Variants in PCDHGA2 observed in about 807,000 individuals in gnomAD.
The protein encoded by PCDHGA2 is protocadherin gamma subfamily A, 2.
In PCDHGA2, 40 loss-of-function variants were observed where a neutral mutation model predicts 59.2. The ratio of observed to expected loss-of-function variants is 0.68; its 90% CI spans 0.52 to 0.88. PCDHGA2 has a LOEUF of 0.88. Among genes scored for constraint, PCDHGA2 ranks in the 40% least tolerant of loss-of-function variants. PCDHGA2 has a pLI of 0.00. For synonymous variants in PCDHGA2, 560 were observed against 526.0 expected (o/e 1.06, Z -0.89); for missense variants, 1,226 against 1,204.0 (o/e 1.02, Z -0.27).
At position 141,409,103 on chromosome 5, in the gene PCDHGA2, A is replaced by G. The variant is rs750657192; in HGVS notation, c.2424+67708A>G. The G allele has an allele frequency of 6.8e-6, 11 of 1,613,926 alleles. No individual in the cohort carries two copies. Among genetic ancestry groups the G allele is most frequent in the Non-Finnish European group, 9.3e-6 (11 of 1,179,900 alleles). On this transcript the variant is annotated intron_variant, in intron 1 of 3. Coordinates refer to ENST00000394576, the MANE Select transcript of PCDHGA2 (RefSeq NM_018915.4). ...CTCATTGGATGAGAAAACAGGTATG[A>G]TTAAGAATAACCAGTCATTTGATTT...
At chr5:141,445,342 T>C (rs1026595756) in intron 1 of PCDHGA2, among the ~76,000 whole-genome samples, 4 of 152,202 alleles carry the variant, frequency 2.6e-5, no homozygotes, top group African/African-American at 9.6e-5. Flanking sequence ...ACAGTAAACA[T>C]TGGTGTCTGC....
At chr5:141,393,715 T>C in intron 1 of PCDHGA2, 1 of 1,613,746 alleles carries the variant, frequency 6.2e-7, no homozygotes, top group South Asian at 1.1e-5. Flanking sequence ...ACTGGGGAAA[T>C]ATCAATAGCA....
At chr5:141,415,478 GA>G (rs1209443921) in intron 1 of PCDHGA2, 2 of 1,613,964 alleles carry the variant, frequency 1.2e-6, no homozygotes, top group Non-Finnish European at 1.7e-6. Context: ...GCGGACTCGC[GA>G]AAGAGTCACC....
intron 1 of PCDHGA2, chr5:141,403,068 C>G (rs1178674622): frequency 6.2e-7 from 1 of 1,614,064 alleles, no homozygotes; most frequent in Admixed American, 1.7e-5. Context: ...CCTGAAGAGA[C>G]AGAAAAGGGC....
At chr5:141,413,219 G>C in intron 1 of PCDHGA2, 1 of 1,613,506 alleles carries the variant, frequency 6.2e-7, no homozygotes, top group Non-Finnish European at 8.5e-7. Context: ...AAGGATTGCA[G>C]CGGGCTGGTC....
chr5:141,455,314 T>G (rs565911988), intron 1 of PCDHGA2, among the ~76,000 whole-genome samples: 15 of 152,208 alleles, frequency 9.9e-5, no homozygotes, highest in African/African-American at 3.4e-4. Flanking sequence ...ATTAGCAATT[T>G]TGTGTGTGTG....
Position 141,454,782 on chromosome 5 carries a change from C to A in PCDHGA2, c.2425-40025C>A, listed in dbSNP as rs116242508. On this transcript the variant is annotated intron_variant, in intron 1 of 3. Transcript: ENST00000394576. ...GACATGTTTTTTACAAGGAAATAAT[C>A]CTCCATGGTTCTAATTTTTTTTTTT... is the stretch of plus-strand genomic sequence containing the variant. 8.4e-3 allele frequency among the ~76,000 whole-genome samples: 1,205 copies of A among 143,216 alleles called. 20 individuals are homozygous for A. Among genetic ancestry groups the A allele is most frequent in the African/African-American group, 0.03 (1,150 of 37,952 alleles). The allele number at this position is 143,216 out of a possible 152,430, so 94.0% of individuals were successfully genotyped here. A position where few individuals can be genotyped will look rare whatever the true frequency, so the allele number is the denominator to read the frequency against.
At chr5:141,418,672 G>A (rs1170411469) in intron 1 of PCDHGA2, 3 of 1,614,022 alleles carry the variant, frequency 1.9e-6, no homozygotes, top group Non-Finnish European at 2.5e-6. Context: ...ACCAGGACGA[G>A]GGCATCAACT....
At chr5:141,374,619 C>G in intron 1 of PCDHGA2, 2 of 1,613,466 alleles carry the variant, frequency 1.2e-6, no homozygotes, top group Non-Finnish European at 1.7e-6. Flanking sequence ...AGTCACTTCT[C>G]AGTGGACGTG....
chr5:141,380,608 T>C (rs1014267122), intron 1 of PCDHGA2, among the ~76,000 whole-genome samples: 2 of 152,244 alleles, frequency 1.3e-5, no homozygotes. Flanking sequence ...TATTTAATTT[T>C]ATGATGTTCG....
At chr5:141,344,645 A>G in intron 1 of PCDHGA2, 1 of 1,613,978 alleles carries the variant, frequency 6.2e-7, no homozygotes, top group Non-Finnish European at 8.5e-7. Context: ...ACCGTGAGAA[A>G]AAAGAAATTC....
chr5:141,421,885 G>A (rs2096608692), intron 1 of PCDHGA2: 1 of 1,613,574 alleles, frequency 6.2e-7, no homozygotes, highest in African/African-American at 1.3e-5. Context: ...AGATGGAGGC[G>A]ATCCCATCCG....
chr5:141,366,623 AAG>A (rs1440567853), intron 1 of PCDHGA2: 2 of 1,614,242 alleles, frequency 1.2e-6, no homozygotes, highest in East Asian at 2.2e-5. Flanking sequence ...GGACTCGAGG[AAG>A]AGTCACCTGA....
In PCDHGA2 at chr5:141,487,153, T is replaced by C; in HGVS notation, c.2425-7654T>C. The stretch of plus-strand genomic sequence containing the variant: ...GTCCACCACTCTCTACCTCTGTTAC[T>C]CTCTTAGTGTCCTTAGAGGAAGACA... On this transcript the variant is annotated intron_variant, in intron 1 of 3. Coordinates refer to ENST00000394576, the MANE Select transcript of PCDHGA2 (RefSeq NM_018915.4). This position sits in a 1 kb window ranked among gnomAD's most constrained non-coding sequence, Gnocchi z 5.0. 3 of 1,613,954 alleles carry C rather than the reference T, an allele frequency of 1.9e-6. No individual in the cohort carries two copies. Among genetic ancestry groups the C allele is most frequent in the Non-Finnish European group, 2.5e-6 (3 of 1,179,838 alleles).
At chr5:141,413,806 A>G (rs775797735) in intron 1 of PCDHGA2, 1 of 1,613,168 alleles carries the variant, frequency 6.2e-7, no homozygotes, top group Non-Finnish European at 8.5e-7. Context: ...GGAAGAGGCC[A>G]TTCACCACCT....
intron 1 of PCDHGA2, chr5:141,409,008 A>G (rs2095209237): frequency 6.2e-7 from 1 of 1,613,898 alleles, no homozygotes; most frequent in African/African-American, 1.3e-5. Context: ...GCCACTGACC[A>G]GGATGAGGGG....
intron 1 of PCDHGA2, chr5:141,365,087 G>A (rs771010337): frequency 1.2e-6 from 2 of 1,613,854 alleles, no homozygotes; most frequent in Non-Finnish European, 1.7e-6. Context: ...GAGTGTTCCA[G>A]AGAACATACC....
In PCDHGA2 at chr5:141,485,636, G is replaced by A. The variant is rs371040974; in HGVS notation, c.2425-9171G>A. The A allele has an allele frequency of 6.2e-7, 1 of 1,611,922 alleles. No homozygotes were observed. The highest frequency in any genetic ancestry group is 1.1e-5 in the South Asian group (1 of 90,964). On this transcript the variant is annotated intron_variant, in intron 1 of 3. Transcript: ENST00000394576. This position sits in a 1 kb window ranked among gnomAD's most constrained non-coding sequence, Gnocchi z 5.7. ...TCCTCCAGGACAGCGTTTCCCGTTG[G>A]AAAAGGCTCAGGATGCAGATGTGGG...
chr5:141,361,468 G>A (rs781508901), intron 1 of PCDHGA2: 5 of 1,614,008 alleles, frequency 3.1e-6, no homozygotes, highest in East Asian at 2.2e-5. Context: ...CATCTCCGAC[G>A]TCAACGATAA....
Sources: allele counts gnomAD v4.1 joint callset (sites outside exome capture counted in the v4.1 genomes callset), GRCh38; gene constraint gnomAD v4.1.1; non-coding constraint Gnocchi (gnomAD v3.1); transcripts MANE v1.5; gene names NCBI Gene and HGNC (gene_info 2026-07-23, HGNC 2026-07-21).